The following TBX18 variants were observed in gnomAD, a reference collection of about 807,000 sequenced individuals.
TBX18 encodes the protein T-box transcription factor 18, also known as T-box transcription factor TBX18.
Under a neutral mutation model 55.0 loss-of-function variants are expected in TBX18, and 21 were observed. That is an observed-to-expected ratio of 0.38 (90% CI 0.27 to 0.55). The LOEUF is 0.55. Ranked by LOEUF, TBX18 falls within the 20% of genes least tolerant of loss-of-function variation. TBX18 has a pLI of 0.73. For synonymous variants in TBX18, 342 were observed against 326.1 expected, an observed-to-expected ratio of 1.05 and a Z score of -0.53; for missense variants, 840 against 799.6, an observed-to-expected ratio of 1.05 and a Z score of -0.61.
intron 3 of TBX18, among the ~76,000 whole-genome samples, 198 bp from the exon 4 acceptor site, chr6:84,757,067 G>A (rs1461282226): frequency 6.6e-5 from 10 of 152,118 alleles, no homozygotes; most frequent in Non-Finnish European, 1.3e-4. Flanking sequence ...TCAGACTAAG[G>A]GGCGTGTTAA....
At position 84,764,005 on chromosome 6, in the gene TBX18, G is replaced by A. The variant is rs771396244; in HGVS notation, c.177C>T (p.Gly59=). ...CAGAAGAACCCTTTTCGCCCGCGCCGCCGCCGCGGCTGCAGCCTCCGTCGT... is the reference window on the plus strand; with the variant it reads ...CAGAAGAACCCTTTTCGCCCGCGCCACCGCCGCGGCTGCAGCCTCCGTCGT... ...AVDDGGCSRG[G]GAGEKGSSEG... is the part of the protein sequence containing the mutation. The change falls in exon 1 of 8, where the codon GGC becomes GGT. Residue 59 remains glycine, a synonymous_variant. Coordinates refer to ENST00000369663, the MANE Select transcript of TBX18 (RefSeq NM_001080508.3). 4 of 1,558,480 alleles carry A rather than the reference G, an allele frequency of 2.6e-6. No homozygotes were observed. In the African/African-American group the frequency reaches 5.5e-5, roughly 21 times the overall value.
intron 1 of TBX18, chr6:84,763,041 G>A (rs1767699126): frequency 1.9e-6 from 1 of 525,734 alleles, no homozygotes; most frequent in African/African-American, 1.9e-5. Flanking sequence ...CAGGGCCAAG[G>A]CCCCAGCAGA....
At position 84,764,354 on chromosome 6, in the gene TBX18, T is replaced by A; in HGVS notation, c.-173A>T. The A allele has an allele frequency of 1.0e-6, 1 of 994,812 alleles. No homozygotes were observed. The highest frequency in any genetic ancestry group is 1.4e-6 in the Non-Finnish European group (1 of 735,388). The allele number at this position is 994,812 out of a possible 1,614,324, so 61.6% of individuals were successfully genotyped here. The stretch of plus-strand genomic sequence containing the variant: ...TGGCGTTTCCGCTTTCTCGCTTGTG[T>A]TGGGATCCAGGAACCGGCGACGCGC... On this transcript the variant is annotated 5_prime_UTR_variant, in exon 1 of 8. Transcript: ENST00000369663.
intron 6 of TBX18, 76 bp from the exon 7 acceptor site, chr6:84,738,667 A>G: frequency 1.8e-6 from 2 of 1,121,008 alleles, no homozygotes; most frequent in Non-Finnish European, 2.7e-6. Context: ...ACCAGCAGCA[A>G]GCATCTCAAA....
At chr6:84,743,313 A>AC (rs1767094977) in intron 6 of TBX18, among the ~76,000 whole-genome samples, 1 of 152,166 alleles carries the variant, frequency 6.6e-6, no homozygotes, top group Admixed American at 6.5e-5. Context: ...GGTCTCTGTC[A>AC]CCCATCTTGT....
rs199808126 is a variant in TBX18, at chr6:84,756,790, C to A, written c.679G>T (p.Asp227Tyr). ...CAAGTCTCCCCCGAGGCAGGCGAGT[C>A]TGGATGAATGTACACACGGGGTGGC... ...PVPPRVYIHP[D>Y]SPASGETWMR... Residue 227 changes from aspartate (D) to tyrosine (Y), a missense_variant, in exon 4 of 8, where the codon GAC becomes TAC. Coordinates refer to ENST00000369663, the MANE Select transcript of TBX18 (RefSeq NM_001080508.3). The A allele has an allele frequency of 6.2e-7, 1 of 1,614,096 alleles. No individual in the cohort carries two copies. Among genetic ancestry groups the A allele is most frequent in the East Asian group, 2.2e-5 (1 of 44,864 alleles).
chr6:84,738,569 C>T lies in TBX18; in HGVS notation c.1027G>A (p.Glu343Lys). The T allele has an allele frequency of 6.2e-7, 1 of 1,613,950 alleles. No homozygotes were observed. The highest frequency in any genetic ancestry group is 8.5e-7 in the Non-Finnish European group (1 of 1,179,948). Residue 343 changes from glutamate (E) to lysine (K), a missense_variant, in exon 7 of 8, where the codon GAA (glutamate) becomes AAA (lysine). Glu to Lys is a moderately conservative substitution (Grantham distance 56, BLOSUM62 1). Transcript: ENST00000369663. ...RNRMGLEALV[E>K]SYAFWRPSLR... ...GATGGTCGCCAGAATGCATATGATT[C>T]CACCAAGGCTTCCAAACCCATTCTA...
At chr6:84,757,237 A>G (rs1767518111) in intron 3 of TBX18, among the ~76,000 whole-genome samples, 1 of 152,178 alleles carries the variant, frequency 6.6e-6, no homozygotes, top group Admixed American at 6.5e-5. Flanking sequence ...TGTCAAGTTC[A>G]CCTTTAAGTA....
chr6:84,740,785 A>G (rs1767027987), intron 6 of TBX18, among the ~76,000 whole-genome samples: 1 of 152,248 alleles, frequency 6.6e-6, no homozygotes, highest in African/African-American at 2.4e-5. Context: ...GTAGTTTTAA[A>G]TATTAAAAAT....
At position 84,737,188 on chromosome 6, in the gene TBX18, G is replaced by A. The variant is rs750022191; in HGVS notation, c.1321C>T (p.Leu441Phe). The A allele has an allele frequency of 1.4e-5, 23 of 1,613,326 alleles. No individual in the cohort carries two copies. In the African/African-American group the frequency reaches 2.5e-4, roughly 18 times the overall value. ...STSLAETYNR[L>F]TNQAGETFAP... ...AAGGTCTCACCAGCCTGGTTGGTGAGCCTGTTGTAGGTCTCTGCCAAAGAT... is the reference window on the plus strand; with the variant it reads ...AAGGTCTCACCAGCCTGGTTGGTGAACCTGTTGTAGGTCTCTGCCAAAGAT... The change falls in exon 8 of 8, where the codon CTC (leucine) becomes TTC (phenylalanine). Residue 441 changes from leucine to phenylalanine, a missense_variant. Physicochemically the swap from Leu to Phe is conservative, Grantham distance 22. Coordinates refer to ENST00000369663, the MANE Select transcript of TBX18 (RefSeq NM_001080508.3).
chr6:84,748,672 C>G (rs904390363), intron 4 of TBX18, among the ~76,000 whole-genome samples: 2 of 152,206 alleles, frequency 1.3e-5, no homozygotes. Flanking sequence ...GCTTCCATTA[C>G]TCAGACTGCA....
chr6:84,749,821 T>G (rs1296204056), intron 4 of TBX18, among the ~76,000 whole-genome samples: 2 of 151,978 alleles, frequency 1.3e-5, no homozygotes, highest in East Asian at 3.9e-4. Context: ...AAGTAGAAAA[T>G]AAAATATATA....
chr6:84,758,655 G>A (rs977704048), intron 3 of TBX18, among the ~76,000 whole-genome samples: 4 of 152,010 alleles, frequency 2.6e-5, no homozygotes, highest in African/African-American at 7.3e-5. Flanking sequence ...ATTACACTGT[G>A]GAAATGAATT....
chr6:84,758,880 A>C (rs1311259564), intron 3 of TBX18, among the ~76,000 whole-genome samples: 1 of 152,214 alleles, frequency 6.6e-6, no homozygotes, highest in East Asian at 1.9e-4. Flanking sequence ...TGATCTTTTA[A>C]AACCTGACAT....
chr6:84,753,589 G>C (rs192566628), intron 4 of TBX18, among the ~76,000 whole-genome samples: 197 of 152,326 alleles, frequency 1.3e-3, no homozygotes, highest in African/African-American at 4.4e-3. Context: ...CTATGTAAGG[G>C]TAGAGGGGTA....
At chr6:84,757,598 CTT>C (rs1380628167) in intron 3 of TBX18, among the ~76,000 whole-genome samples, 1 of 151,926 alleles carries the variant, frequency 6.6e-6, no homozygotes, top group Admixed American at 6.6e-5. Context: ...AAAAAATAAA[CTT>C]TGAAAATAAT....
intron 5 of TBX18, 55 bp downstream of exon 5, chr6:84,747,865 T>C (rs1252830764): frequency 1.9e-5 from 29 of 1,529,530 alleles, no homozygotes; most frequent in Non-Finnish European, 2.6e-5. Flanking sequence ...TAGCTAACTT[T>C]CTCTCTTCAC....
intron 6 of TBX18, among the ~76,000 whole-genome samples, chr6:84,739,850 G>T (rs1767002069): frequency 6.6e-6 from 1 of 152,134 alleles, no homozygotes; most frequent in Non-Finnish European, 1.5e-5. Context: ...TTGTCCATCT[G>T]TTCCAAGGCT....
In TBX18 at chr6:84,735,017, A is replaced by G. The variant is rs1773900870; in HGVS notation, c.*1668T>C. 1 of 152,240 alleles carries G rather than the reference A, an allele frequency of 6.6e-6. No homozygotes were observed. The highest frequency in any genetic ancestry group is 6.5e-5 in the Admixed American group (1 of 15,276). 9.4% of individuals were successfully genotyped at this position (152,240 alleles called of 1,614,324 possible). A position where few individuals can be genotyped will look rare whatever the true frequency, so the allele number is the denominator to read the frequency against. On this transcript the variant is annotated 3_prime_UTR_variant, in exon 8 of 8. Coordinates refer to ENST00000369663, the MANE Select transcript of TBX18 (RefSeq NM_001080508.3). ...TCACATCCTGTGCAAATTCAACAGT[A>G]TATCTCCCTAAGTATCTAACAAATT...
Sources: allele counts gnomAD v4.1 joint callset (sites outside exome capture counted in the v4.1 genomes callset), GRCh38; gene constraint gnomAD v4.1.1; transcripts MANE v1.5; gene names NCBI Gene and HGNC (gene_info 2026-07-23, HGNC 2026-07-21).